The following DGKB variants were observed in gnomAD, a reference collection of about 807,000 sequenced individuals.
DGKB encodes 90 kDa diacylglycerol kinase.
A neutral mutation model predicts 114.3 loss-of-function variants in DGKB; 67 were observed. That is an observed-to-expected ratio of 0.59 (90% CI 0.48 to 0.72). The LOEUF (loss-of-function observed/expected upper bound fraction) is 0.72, where lower values mean the gene tolerates loss of function less well. Among genes scored for constraint, DGKB ranks in the 30% least tolerant of loss-of-function variants. The pLI, the probability that DGKB is intolerant of heterozygous loss-of-function variation, is 0.00. For missense variants in DGKB, 907 were observed against 975.2 expected, an observed-to-expected ratio of 0.93 and a Z score of 0.93; for synonymous variants, 398 against 323.1, an observed-to-expected ratio of 1.23 and a Z score of -2.49.
At chr7:14,302,329 G>C (rs73052194) in intron 23 of DGKB, among the ~76,000 whole-genome samples, 12,858 of 152,006 alleles carry the variant, frequency 0.085, 642 homozygotes, top group East Asian at 0.15. Flanking sequence ...GGAGTGATGT[G>C]TACACATATG....
At chr7:14,500,906 G>A (rs1786067594) in intron 20 of DGKB, among the ~76,000 whole-genome samples, 1 of 151,872 alleles carries the variant, frequency 6.6e-6, no homozygotes. Context: ...GACAACGGCT[G>A]TAAACATTTC....
At chr7:14,298,556 CAAGATGGATT>C (rs546219245) in intron 23 of DGKB, among the ~76,000 whole-genome samples, 177 of 152,208 alleles carry the variant, frequency 1.2e-3, no homozygotes, top group African/African-American at 4.0e-3. Context: ...AAAACTAACT[CAAGATGGATT>C]AAAGCATTAT....
chr7:14,562,617 T>G (rs535171397), intron 20 of DGKB, among the ~76,000 whole-genome samples: 1 of 152,314 alleles, frequency 6.6e-6, no homozygotes, highest in African/African-American at 2.4e-5. Flanking sequence ...GGAGATCATT[T>G]TGGAACTCGA....
intron 21 of DGKB, among the ~76,000 whole-genome samples, chr7:14,382,628 C>G (rs900787074): frequency 2.6e-5 from 4 of 152,142 alleles, no homozygotes; most frequent in Admixed American, 6.5e-5. Context: ...AGAATAGCAA[C>G]TCACAGGAAA....
At chr7:14,714,238 G>A (rs1164103833) in intron 6 of DGKB, among the ~76,000 whole-genome samples, 1 of 152,056 alleles carries the variant, frequency 6.6e-6, no homozygotes, top group Admixed American at 6.6e-5. Context: ...TGGGGAGGCA[G>A]GGGGTTGAAA....
At chr7:14,810,079 T>G (rs921876619) in intron 2 of DGKB, among the ~76,000 whole-genome samples, 3 of 152,166 alleles carry the variant, frequency 2.0e-5, no homozygotes, top group Admixed American at 2.0e-4. Flanking sequence ...TTTATCTAAG[T>G]TTTTCCTGGA....
At chr7:14,709,506 C>T (rs1439407637) in intron 6 of DGKB, among the ~76,000 whole-genome samples, 1 of 117,614 alleles carries the variant, frequency 8.5e-6, no homozygotes, top group Non-Finnish European at 1.8e-5. Context: ...GCTATAAAGA[C>T]ACATGCACAC....
chr7:14,727,888 T>C (rs1359458095), intron 5 of DGKB, among the ~76,000 whole-genome samples: 1 of 152,172 alleles, frequency 6.6e-6, no homozygotes, highest in Admixed American at 6.5e-5. Context: ...ATTAATGAAG[T>C]ATACCTTTCA....
chr7:14,699,351 T>G lies in DGKB; in HGVS notation c.517-1182A>C, dbSNP rs532092020. Among the ~76,000 whole-genome samples, 91 of 152,202 alleles carry G rather than the reference T, an allele frequency of 6.0e-4. 1 individual carries two copies. The highest frequency in any genetic ancestry group is 2.0e-3 in the African/African-American group (85 of 41,528). On this transcript the variant is annotated intron_variant, in intron 7 of 25. Coordinates refer to ENST00000402815, the MANE Select transcript of DGKB (RefSeq NM_001350709.2). ...CTTAATGGTTTGGAAGTGTTAAAGTTCCCGGATATCTTTTAAGAACAGAAA... is the reference window on the plus strand; with the variant it reads ...CTTAATGGTTTGGAAGTGTTAAAGTGCCCGGATATCTTTTAAGAACAGAAA...
intron 25 of DGKB, among the ~76,000 whole-genome samples, chr7:14,163,943 C>T (rs946022138): frequency 6.6e-6 from 1 of 151,724 alleles, no homozygotes; most frequent in Non-Finnish European, 1.5e-5. Context: ...TGCAGTGAGC[C>T]GAGATCATGC....
At chr7:14,692,357 G>C (rs1195245185) in intron 9 of DGKB, among the ~76,000 whole-genome samples, 1 of 151,854 alleles carries the variant, frequency 6.6e-6, no homozygotes, top group Non-Finnish European at 1.5e-5. Flanking sequence ...ACAAAGTTTA[G>C]CTTTACAAAC....
intron 22 of DGKB, 107 bp from the exon 23 acceptor site, chr7:14,338,817 T>C: frequency 3.0e-6 from 2 of 674,402 alleles, no homozygotes; most frequent in Non-Finnish European, 4.4e-6. Flanking sequence ...AAATCCATAA[T>C]GTTGTCATTT....
chr7:14,421,998 T>C (rs1278328133), intron 21 of DGKB, among the ~76,000 whole-genome samples: 2 of 151,982 alleles, frequency 1.3e-5, no homozygotes, highest in Middle Eastern at 3.2e-3. Flanking sequence ...AAAAAGCTAT[T>C]ACAGCCTTCT....
intron 23 of DGKB, among the ~76,000 whole-genome samples, chr7:14,333,730 T>G (rs1286628838): frequency 6.6e-6 from 1 of 152,150 alleles, no homozygotes; most frequent in African/African-American, 2.4e-5. Flanking sequence ...GTAACTAAAA[T>G]GGTTCATATT....
chr7:14,282,702 T>A (rs901831377), intron 23 of DGKB, among the ~76,000 whole-genome samples: 22 of 151,504 alleles, frequency 1.5e-4, no homozygotes, highest in Non-Finnish European at 1.8e-4. Flanking sequence ...GCAAGGCAGG[T>A]TCAATATACG....
intron 1 of DGKB, among the ~76,000 whole-genome samples, chr7:14,955,554 G>A (rs2115250011): frequency 6.6e-6 from 1 of 152,132 alleles, no homozygotes; most frequent in South Asian, 2.1e-4. Context: ...ATCTCAGAGA[G>A]AAATAACTAA....
intron 2 of DGKB, among the ~76,000 whole-genome samples, chr7:14,830,228 C>G (rs566783211): frequency 1.3e-4 from 20 of 152,100 alleles, no homozygotes; most frequent in African/African-American, 4.3e-4. Context: ...TTACAGCAGT[C>G]ATACCAAATC....
intron 2 of DGKB, among the ~76,000 whole-genome samples, chr7:14,813,392 G>C (rs1843685305): frequency 6.6e-6 from 1 of 152,162 alleles, no homozygotes; most frequent in South Asian, 2.1e-4. Context: ...GTACCAATGA[G>C]AGAGATAACA....
intron 21 of DGKB, among the ~76,000 whole-genome samples, chr7:14,414,104 G>A (rs1219700549): frequency 2.2e-4 from 33 of 152,138 alleles, no homozygotes; most frequent in Admixed American, 2.2e-3. Context: ...TACAGCAAAA[G>A]ATGTAAAGTT....
Sources: gnomAD v4.1 joint callset for allele counts (sites outside exome capture counted in the v4.1 genomes callset) on GRCh38, gnomAD v4.1.1 for gene constraint, MANE v1.5 for transcripts, NCBI Gene and HGNC (gene_info 2026-07-23, HGNC 2026-07-21) for gene names.